The following PLXDC2 variants were observed in gnomAD, a reference collection of about 807,000 sequenced individuals.
PLXDC2 encodes plexin domain containing 2, also known as plexin domain-containing protein 2.
PLXDC2 carries 40 observed loss-of-function variants against 68.9 expected under a neutral mutation model. The ratio of observed to expected loss-of-function variants is 0.58; its 90% confidence interval spans 0.45 to 0.76. PLXDC2 has a LOEUF of 0.76. PLXDC2 is among the 30% of genes least tolerant of loss of function. The pLI is 0.00. For missense variants in PLXDC2, 644 were observed against 661.9 expected (o/e 0.97, Z 0.30); for synonymous variants, 243 against 234.2 (o/e 1.04, Z -0.34).
chr10:20,123,025 A>C (rs1833720358), intron 4 of PLXDC2, among the ~76,000 whole-genome samples: 1 of 152,206 alleles, frequency 6.6e-6, no homozygotes, highest in South Asian at 2.1e-4. Flanking sequence ...AAGGAGCATT[A>C]ACCTTGACTA....
chr10:20,243,314 C>T (rs987115804), intron 12 of PLXDC2, among the ~76,000 whole-genome samples: 2 of 152,138 alleles, frequency 1.3e-5, no homozygotes, highest in African/African-American at 4.8e-5. Flanking sequence ...GTGCCTACCT[C>T]TTAGGGTTGT....
chr10:19,833,521 T>C (rs1411219710), intron 1 of PLXDC2, among the ~76,000 whole-genome samples: 1 of 152,226 alleles, frequency 6.6e-6, no homozygotes, highest in Non-Finnish European at 1.5e-5. Context: ...AGGAGTTTAT[T>C]TTTTAACAAA....
At chr10:20,142,249 A>G (rs1378671710) in intron 4 of PLXDC2, among the ~76,000 whole-genome samples, 1 of 152,064 alleles carries the variant, frequency 6.6e-6, no homozygotes, top group African/African-American at 2.4e-5. Context: ...TAGAAAAATG[A>G]TTTATATTAG....
intron 1 of PLXDC2, among the ~76,000 whole-genome samples, chr10:19,988,776 CTTTTTTTTTTTTTTTTTTTTTT>C (rs552950916): frequency 1.3e-4 from 6 of 45,492 alleles, no homozygotes; most frequent in South Asian, 1.1e-3. Context: ...AATAATGCCA[CTTTTTTTTTTTTTTTTTTTTTT>C]TTTTTTTTTT....
intron 3 of PLXDC2, among the ~76,000 whole-genome samples, chr10:20,054,185 A>G (rs559111542): frequency 2.0e-5 from 3 of 152,046 alleles, no homozygotes; most frequent in Admixed American, 6.6e-5. Flanking sequence ...ATTGTGCCCA[A>G]ACTGAGTTGT....
At chr10:20,056,416 TG>T (rs2131694316) in intron 3 of PLXDC2, among the ~76,000 whole-genome samples, 1 of 152,318 alleles carries the variant, frequency 6.6e-6, no homozygotes, top group Admixed American at 6.5e-5. Flanking sequence ...CATCTACCCC[TG>T]TCCTGCCGAT....
At chr10:20,084,797 C>G (rs1833166849) in intron 4 of PLXDC2, among the ~76,000 whole-genome samples, 1 of 151,414 alleles carries the variant, frequency 6.6e-6, no homozygotes, top group South Asian at 2.1e-4. Context: ...CAAATTTCCT[C>G]TATCTTATAT....
chr10:19,928,098 TC>T (rs1833568495), intron 1 of PLXDC2, among the ~76,000 whole-genome samples: 2 of 152,220 alleles, frequency 1.3e-5, no homozygotes, highest in African/African-American at 4.8e-5. Context: ...TCCAGTTCCA[TC>T]CAACTTGCTG....
intron 2 of PLXDC2, among the ~76,000 whole-genome samples, chr10:20,044,214 T>C (rs1835744097): frequency 1.5e-4 from 1 of 6,468 alleles, no homozygotes. Flanking sequence ...TCTCTCTGTC[T>C]TTCTTTCTTT....
At chr10:20,095,596 T>C (rs944341584) in intron 4 of PLXDC2, among the ~76,000 whole-genome samples, 4 of 152,074 alleles carry the variant, frequency 2.6e-5, no homozygotes, top group Non-Finnish European at 1.5e-5. Context: ...GGAGAGTGGA[T>C]TAAGGACTAG....
rs940698954 is a variant in PLXDC2 at position 20,280,965 on chromosome 10, C to T, written c.*1146C>T. On this transcript the variant is annotated 3_prime_UTR_variant, in exon 14 of 14. Transcript: ENST00000377252. Reference sequence around the variant, plus strand: ...ACTAACACAAGGCAGGATCTTGTGACTCTAAGAGTGCGTTTTGTCATCAAG... The same window carrying T: ...ACTAACACAAGGCAGGATCTTGTGATTCTAAGAGTGCGTTTTGTCATCAAG... 2 of 151,926 alleles carry T rather than the reference C, an allele frequency of 1.3e-5. No individual in the cohort carries two copies. Among genetic ancestry groups the T allele is most frequent in the Admixed American group, 1.3e-4 (2 of 15,244 alleles). 9.4% of individuals were successfully genotyped at this position (151,926 alleles called of 1,614,324 possible).
chr10:20,168,468 TC>T (rs372810377), intron 7 of PLXDC2, among the ~76,000 whole-genome samples: 1 of 152,164 alleles, frequency 6.6e-6, no homozygotes, highest in Non-Finnish European at 1.5e-5. Context: ...CACAGGAGAT[TC>T]CCACTAAGAA....
At chr10:20,047,678 A>C (rs1347553575) in intron 3 of PLXDC2, among the ~76,000 whole-genome samples, 3 of 152,138 alleles carry the variant, frequency 2.0e-5, no homozygotes, top group African/African-American at 7.2e-5. Flanking sequence ...ACATGGTCAT[A>C]AATAGCCTAT....
At chr10:20,265,052 A>G (rs1362251630) in intron 13 of PLXDC2, among the ~76,000 whole-genome samples, 2 of 152,226 alleles carry the variant, frequency 1.3e-5, no homozygotes, top group Admixed American at 6.5e-5. Context: ...TTAGACAATC[A>G]TGAAGTTTTT....
At chr10:20,031,398 C>T (rs1322695940) in intron 2 of PLXDC2, among the ~76,000 whole-genome samples, 1 of 152,026 alleles carries the variant, frequency 6.6e-6, no homozygotes, top group Non-Finnish European at 1.5e-5. Context: ...CTGGATTCTT[C>T]ATGACAGCAA....
chr10:19,898,121 C>T (rs1451059965), intron 1 of PLXDC2, among the ~76,000 whole-genome samples: 1 of 152,060 alleles, frequency 6.6e-6, no homozygotes. Flanking sequence ...TAAAGCTTAA[C>T]CTTGAATCAT....
chr10:20,148,940 C>T (rs975169221), intron 6 of PLXDC2, among the ~76,000 whole-genome samples: 1 of 152,110 alleles, frequency 6.6e-6, no homozygotes, highest in Non-Finnish European at 1.5e-5. Context: ...AATTCTGTAA[C>T]CATGTCAGAT....
At chr10:20,182,446 T>A (rs1834618987) in intron 9 of PLXDC2, among the ~76,000 whole-genome samples, 1 of 152,050 alleles carries the variant, frequency 6.6e-6, no homozygotes, top group African/African-American at 2.4e-5. Flanking sequence ...AATTTGGTCC[T>A]TTTAATAGCT....
chr10:19,899,304 G>C (rs1157356425), intron 1 of PLXDC2, among the ~76,000 whole-genome samples: 4 of 152,096 alleles, frequency 2.6e-5, no homozygotes, highest in Non-Finnish European at 5.9e-5. Flanking sequence ...TTCACTTAAG[G>C]AATAAGAATA....
Sources: allele counts gnomAD v4.1 joint callset (sites outside exome capture counted in the v4.1 genomes callset), GRCh38; gene constraint gnomAD v4.1.1; transcripts MANE v1.5; gene names NCBI Gene and HGNC (gene_info 2026-07-23, HGNC 2026-07-21).